INTS4: variants seen among roughly 807,000 people sequenced by gnomAD.
The protein encoded by INTS4 is MSTP093.
In INTS4, 70 loss-of-function variants were observed where a neutral mutation model predicts 119.5. That is an observed-to-expected ratio of 0.59 (90% CI 0.48 to 0.71). The LOEUF is 0.71. Ranked by LOEUF, INTS4 falls within the 30% of genes least tolerant of loss-of-function variation. INTS4 has a pLI of 0.00. For missense variants in INTS4, 867 were observed against 1,173.2 expected (o/e 0.74, Z 3.81); for synonymous variants, 316 against 419.6 (o/e 0.75, Z 3.02).
At chr11:77,895,433 A>G (rs944799731) in intron 18 of INTS4, among the ~76,000 whole-genome samples, 9 of 151,342 alleles carry the variant, frequency 5.9e-5, no homozygotes, top group Admixed American at 3.3e-4. Flanking sequence ...GCAGCAGTCA[A>G]TAAGTATTTG....
chr11:77,883,892 G>C lies in INTS4; in HGVS notation c.2653C>G (p.Pro885Ala). 6.2e-7 allele frequency: 1 copy of C among 1,613,102 alleles called. No homozygotes were observed. The highest frequency in any genetic ancestry group is 8.5e-7 in the Non-Finnish European group (1 of 1,179,536). Residue 885 changes from proline (P) to alanine (A), a missense_variant, in exon 22 of 23, where the codon CCT becomes GCT. By Grantham distance (27) the Pro-to-Ala change is conservative. Coordinates refer to ENST00000534064, the MANE Select transcript of INTS4 (RefSeq NM_033547.4). ...IHPKPADFRN[P>A]GPGRHRLITQ... ...ATGAGCCGGTGCCGCCCTGGGCCAGGATTCCGGAAGTCTGCAGGCTTGGGG... is the reference window on the plus strand; with the variant it reads ...ATGAGCCGGTGCCGCCCTGGGCCAGCATTCCGGAAGTCTGCAGGCTTGGGG...
At chr11:77,880,602 C>T (rs1013396789) in intron 22 of INTS4, among the ~76,000 whole-genome samples, 1 of 152,154 alleles carries the variant, frequency 6.6e-6, no homozygotes, top group Non-Finnish European at 1.5e-5. Flanking sequence ...CCACACTCTC[C>T]CATTCCATCC....
intron 15 of INTS4, chr11:77,918,416 CAA>C (rs34005455): frequency 0.019 from 1,083 of 58,200 alleles, 1 homozygote; most frequent in South Asian, 0.072. Flanking sequence ...GACCCTGTCT[CAA>C]AAAAAAAAAA....
At chr11:77,972,400 A>G (rs1855767867) in intron 4 of INTS4, among the ~76,000 whole-genome samples, 1 of 142,584 alleles carries the variant, frequency 7.0e-6, no homozygotes, top group African/African-American at 2.7e-5. Flanking sequence ...CACCCGGCCA[A>G]TTTCTTGACT....
chr11:77,894,863 G>A (rs1053245934), intron 18 of INTS4, among the ~76,000 whole-genome samples: 15 of 152,098 alleles, frequency 9.9e-5, no homozygotes, highest in African/African-American at 3.4e-4. Flanking sequence ...CCATTGTATC[G>A]GCATCTGGAA....
intron 21 of INTS4, among the ~76,000 whole-genome samples, chr11:77,888,211 G>C (rs987853287): frequency 1.1e-4 from 17 of 152,206 alleles, no homozygotes; most frequent in African/African-American, 4.1e-4. Context: ...GCATGGTACT[G>C]TTACCAAAAC....
chr11:77,887,924 G>A (rs912439514), intron 21 of INTS4, among the ~76,000 whole-genome samples: 2 of 152,096 alleles, frequency 1.3e-5, no homozygotes, highest in African/African-American at 4.8e-5. Flanking sequence ...AAATAAAAGA[G>A]GATACAAACA....
chr11:77,972,312 T>C (rs1248901652), intron 4 of INTS4, among the ~76,000 whole-genome samples: 2 of 152,148 alleles, frequency 1.3e-5, no homozygotes, highest in Non-Finnish European at 2.9e-5. Context: ...TTGCCCAGGC[T>C]GGTCTCAAAC....
chr11:77,904,315 A>C (rs945765239), intron 16 of INTS4, among the ~76,000 whole-genome samples: 33 of 152,256 alleles, frequency 2.2e-4, no homozygotes, highest in Admixed American at 3.9e-4. Context: ...AACATGAGCT[A>C]TATATAATTT....
At chr11:77,973,476 C>T (rs1484826866) in intron 4 of INTS4, among the ~76,000 whole-genome samples, 1 of 151,944 alleles carries the variant, frequency 6.6e-6, no homozygotes, top group Non-Finnish European at 1.5e-5. Flanking sequence ...ATATAATGAC[C>T]TATTTGTTTT....
At chr11:77,926,619 C>A (rs1216937080) in intron 11 of INTS4, among the ~76,000 whole-genome samples, 2 of 151,542 alleles carry the variant, frequency 1.3e-5, no homozygotes, top group African/African-American at 4.9e-5. Context: ...CCAGCCTGGC[C>A]AATATGGTGA....
At chr11:77,915,991 T>C (rs1279921839) in intron 15 of INTS4, among the ~76,000 whole-genome samples, 1 of 152,186 alleles carries the variant, frequency 6.6e-6, no homozygotes, top group Non-Finnish European at 1.5e-5. Context: ...AGCAGGAACA[T>C]CAGCCTCCTT....
intron 14 of INTS4, among the ~76,000 whole-genome samples, chr11:77,919,952 G>A (rs1953300395): frequency 1.3e-5 from 2 of 151,926 alleles, no homozygotes; most frequent in African/African-American, 2.4e-5. Context: ...AGGACTACAG[G>A]TGCCCACCAC....
intron 3 of INTS4, 21 bp from the exon 4 acceptor site, chr11:77,979,123 T>G (rs368188472): frequency 2.7e-6 from 4 of 1,501,020 alleles, no homozygotes; most frequent in Admixed American, 1.7e-5. Flanking sequence ...AGATAGAAAG[T>G]TGGCTTGTAG....
intron 4 of INTS4, 58 bp from the exon 5 acceptor site, chr11:77,961,196 A>G: frequency 2.0e-6 from 3 of 1,469,702 alleles, no homozygotes; most frequent in Non-Finnish European, 2.7e-6. Context: ...CATGATTAAG[A>G]TATCTTAACA....
At chr11:77,955,169 T>C (rs907085041) in intron 8 of INTS4, among the ~76,000 whole-genome samples, 3 of 152,022 alleles carry the variant, frequency 2.0e-5, no homozygotes, top group African/African-American at 7.2e-5. Flanking sequence ...CAAGACCCCA[T>C]GTCTACAAAA....
rs756855873 is a variant in INTS4 at position 77,981,450 on chromosome 11, G to T, written c.364+9C>A. ...GCTCTGACTATAGAGCTTTTAAATT[G>T]CAACTTACTTTCATTCTGCAGGATG... On this transcript the variant is annotated intron_variant, in intron 3 of 22. Transcript: ENST00000534064. 2 of 1,373,152 alleles carry T rather than the reference G, an allele frequency of 1.5e-6. No homozygotes were observed. Among genetic ancestry groups the T allele is most frequent in the Non-Finnish European group, 2.0e-6 (2 of 1,000,452 alleles). The allele number at this position is 1,373,152 out of a possible 1,614,324, so 85.1% of individuals were successfully genotyped here. A position where few individuals can be genotyped will look rare whatever the true frequency, so the allele number is the denominator to read the frequency against.
chr11:77,961,253 T>C (rs1034920635), intron 4 of INTS4, 115 bp from the exon 5 acceptor site: 9 of 1,316,580 alleles, frequency 6.8e-6, no homozygotes, highest in Admixed American at 3.1e-5. Context: ...ACCTTAGGGG[T>C]GATTTCAAGA....
chr11:77,987,841 C>T (rs1390147914), intron 2 of INTS4: 2 of 299,172 alleles, frequency 6.7e-6, no homozygotes, highest in African/African-American at 4.5e-5. Context: ...CCATTGCACT[C>T]TAGATTGGGC....
Sources: allele counts gnomAD v4.1 joint callset (sites outside exome capture counted in the v4.1 genomes callset), GRCh38; gene constraint gnomAD v4.1.1; transcripts MANE v1.5; gene names NCBI Gene and HGNC (gene_info 2026-07-23, HGNC 2026-07-21).